The following MACROD2 variants were observed in gnomAD, a reference collection of about 807,000 sequenced individuals.
The protein encoded by MACROD2 is ADP-ribose glycohydrolase MACROD2.
In MACROD2, 36 loss-of-function variants were observed where a neutral mutation model predicts 70.4. That is an observed-to-expected ratio of 0.51 (90% CI 0.39 to 0.68). The LOEUF is 0.68. MACROD2 is among the 30% of genes least tolerant of loss of function. The pLI is 0.00. For synonymous variants in MACROD2, 172 were observed against 178.8 expected (o/e 0.96, Z 0.30); for missense variants, 496 against 538.4 (o/e 0.92, Z 0.78).
intron 7 of MACROD2, among the ~76,000 whole-genome samples, chr20:15,439,531 C>T (rs1210313597): frequency 6.6e-6 from 1 of 152,174 alleles, no homozygotes; most frequent in African/African-American, 2.4e-5. Context: ...TGGCAGCTCT[C>T]CTAGCTTTCT....
intron 12 of MACROD2, among the ~76,000 whole-genome samples, chr20:15,955,641 A>G (rs1478441583): frequency 6.6e-6 from 1 of 152,238 alleles, no homozygotes; most frequent in African/African-American, 2.4e-5. Context: ...TATCTAGAAC[A>G]GCACTGTCCA....
chr20:15,578,473 T>C (rs1368865194), intron 8 of MACROD2, among the ~76,000 whole-genome samples: 1 of 125,520 alleles, frequency 8.0e-6, no homozygotes. Flanking sequence ...TTATGGGGCC[T>C]TGCATAGTGC....
At chr20:15,947,642 C>T (rs917285611) in intron 12 of MACROD2, among the ~76,000 whole-genome samples, 1 of 151,916 alleles carries the variant, frequency 6.6e-6, no homozygotes, top group Non-Finnish European at 1.5e-5. Flanking sequence ...ACAGTCTGAT[C>T]GCTCTTTCTT....
At chr20:15,157,349 A>AACCCCC (rs2076314188) in intron 5 of MACROD2, among the ~76,000 whole-genome samples, 1 of 109,398 alleles carries the variant, frequency 9.1e-6, no homozygotes, top group Non-Finnish European at 1.9e-5. Context: ...CTAATTAACC[A>AACCCCC]CCCCCCCCCA....
chr20:14,515,556 G>A (rs2085087846), intron 4 of MACROD2, among the ~76,000 whole-genome samples: 1 of 151,548 alleles, frequency 6.6e-6, no homozygotes, highest in East Asian at 1.9e-4. Context: ...TGACAACATG[G>A]ATGGACCTGG....
intron 3 of MACROD2, among the ~76,000 whole-genome samples, chr20:14,301,338 G>A (rs926697910): frequency 6.6e-6 from 1 of 152,144 alleles, no homozygotes; most frequent in African/African-American, 2.4e-5. Context: ...AAAATGAAAG[G>A]ATATCAAGTG....
chr20:15,992,148 A>G (rs1008104777), intron 15 of MACROD2, among the ~76,000 whole-genome samples: 1 of 152,178 alleles, frequency 6.6e-6, no homozygotes, highest in African/African-American at 2.4e-5. Flanking sequence ...ATGCATGTGT[A>G]TATGCGTAAA....
intron 5 of MACROD2, among the ~76,000 whole-genome samples, chr20:15,113,509 A>G (rs999295850): frequency 2.0e-5 from 3 of 152,206 alleles, no homozygotes; most frequent in African/African-American, 7.2e-5. Context: ...AACAAATGAC[A>G]TAATGTCAGT....
intron 4 of MACROD2, among the ~76,000 whole-genome samples, chr20:14,603,249 G>C (rs6033985): frequency 0.082 from 12,433 of 152,206 alleles, 1,458 homozygotes; most frequent in African/African-American, 0.26. Flanking sequence ...TGAAGCACTA[G>C]AGTGGGGAGG....
At chr20:14,457,532 C>A (rs962917815) in intron 3 of MACROD2, among the ~76,000 whole-genome samples, 1 of 152,102 alleles carries the variant, frequency 6.6e-6, no homozygotes, top group African/African-American at 2.4e-5. Context: ...TTATACTTCT[C>A]ATCTTAGTTG....
intron 4 of MACROD2, among the ~76,000 whole-genome samples, chr20:14,520,772 G>A (rs2085158852): frequency 6.6e-6 from 1 of 152,122 alleles, no homozygotes; most frequent in Admixed American, 6.5e-5. Flanking sequence ...TCTTCCACCT[G>A]TAATGATAGG....
At chr20:14,825,578 C>G (rs1452758172) in intron 5 of MACROD2, among the ~76,000 whole-genome samples, 1 of 152,068 alleles carries the variant, frequency 6.6e-6, no homozygotes, top group African/African-American at 2.4e-5. Context: ...TAAGCAGCAT[C>G]AAGATTGTTC....
intron 2 of MACROD2, among the ~76,000 whole-genome samples, chr20:14,079,777 T>C (rs752285988): frequency 1.8e-4 from 28 of 152,178 alleles, no homozygotes; most frequent in Admixed American, 1.2e-3. Flanking sequence ...ACAAAGACTT[T>C]ATGGAGTCAA....
At chr20:15,556,947 T>C (rs2048176246) in intron 8 of MACROD2, among the ~76,000 whole-genome samples, 1 of 152,156 alleles carries the variant, frequency 6.6e-6, no homozygotes, top group African/African-American at 2.4e-5. Flanking sequence ...TGTTTGGGGC[T>C]TTTTCCATGA....
chr20:14,809,371 G>A (rs1355909743), intron 5 of MACROD2, among the ~76,000 whole-genome samples: 1 of 152,026 alleles, frequency 6.6e-6, no homozygotes, highest in Non-Finnish European at 1.5e-5. Flanking sequence ...AAATAAATAA[G>A]TTCTTTGAAA....
Position 15,533,875 on chromosome 20 carries a change from C to T in MACROD2, c.645+34028C>T, listed in dbSNP as rs111332372. ...GCATTTCAAGTTCATTATTTTTGCT[C>T]AGGTTGTCTAAATGTGGTACCTTGA... On this transcript the variant is annotated intron_variant, in intron 8 of 17. Coordinates refer to ENST00000684519, the MANE Select transcript of MACROD2 (RefSeq NM_001351661.2). Among the ~76,000 whole-genome samples, 189 of 152,192 alleles carry T rather than the reference C, an allele frequency of 1.2e-3. 1 individual carries two copies. Among genetic ancestry groups the T allele is most frequent in the African/African-American group, 4.2e-3 (173 of 41,534 alleles).
At chr20:15,378,966 T>C (rs1161067049) in intron 6 of MACROD2, among the ~76,000 whole-genome samples, 1 of 152,142 alleles carries the variant, frequency 6.6e-6, no homozygotes, top group Non-Finnish European at 1.5e-5. Flanking sequence ...GAATTCTAAA[T>C]TGGTCTTCAT....
intron 2 of MACROD2, among the ~76,000 whole-genome samples, chr20:14,045,136 C>T (rs182264028): frequency 3.3e-5 from 5 of 152,254 alleles, no homozygotes; most frequent in African/African-American, 9.6e-5. Context: ...AAGCGCTGCA[C>T]GTAGCCCCGG....
intron 5 of MACROD2, among the ~76,000 whole-genome samples, chr20:14,759,946 G>T (rs2071992356): frequency 6.6e-6 from 1 of 152,108 alleles, no homozygotes; most frequent in Non-Finnish European, 1.5e-5. Flanking sequence ...GAGGAGAGGA[G>T]CAGCAAAAGA....
Sources: gnomAD v4.1 joint callset for allele counts (sites outside exome capture counted in the v4.1 genomes callset) on GRCh38, gnomAD v4.1.1 for gene constraint, MANE v1.5 for transcripts, NCBI Gene and HGNC (gene_info 2026-07-23, HGNC 2026-07-21) for gene names.